CHCHD3: variants seen among roughly 807,000 people sequenced by gnomAD.
The protein encoded by CHCHD3 is MICOS complex subunit MIC19.
In CHCHD3, 20 loss-of-function variants were observed where a neutral mutation model predicts 38.2. The ratio of observed to expected loss-of-function variants is 0.52; its 90% CI spans 0.37 to 0.76. CHCHD3 has a LOEUF of 0.76. Ranked by LOEUF, CHCHD3 falls within the 30% of genes least tolerant of loss-of-function variation. CHCHD3 has a pLI of 0.00. For missense variants in CHCHD3, 245 were observed against 279.2 expected (o/e 0.88, Z 0.87); for synonymous variants, 82 against 100.0 (o/e 0.82, Z 1.07).
At chr7:132,907,328 T>C (rs1285988542) in intron 4 of CHCHD3, among the ~76,000 whole-genome samples, 2 of 152,100 alleles carry the variant, frequency 1.3e-5, no homozygotes, top group Admixed American at 1.3e-4. Flanking sequence ...AACTTATAAA[T>C]TGGGGTAGAG....
chr7:132,833,869 C>G (rs757876648), intron 6 of CHCHD3, among the ~76,000 whole-genome samples: 6 of 152,066 alleles, frequency 3.9e-5, no homozygotes, highest in Non-Finnish European at 7.4e-5. Flanking sequence ...TTGTATGACC[C>G]CTGATCAGGT....
At chr7:132,949,792 C>T (rs1237295263) in intron 4 of CHCHD3, among the ~76,000 whole-genome samples, 1 of 152,092 alleles carries the variant, frequency 6.6e-6, no homozygotes, top group Non-Finnish European at 1.5e-5. Flanking sequence ...AATACCACCT[C>T]TTCACAAAGG....
intron 4 of CHCHD3, among the ~76,000 whole-genome samples, chr7:132,907,118 T>G (rs1809820365): frequency 6.6e-6 from 1 of 152,242 alleles, no homozygotes; most frequent in African/African-American, 2.4e-5. Context: ...TCTATTCATT[T>G]ATTGAATAAG....
At chr7:132,824,515 C>A (rs1202055619) in intron 6 of CHCHD3, among the ~76,000 whole-genome samples, 1 of 152,006 alleles carries the variant, frequency 6.6e-6, no homozygotes, top group Non-Finnish European at 1.5e-5. Context: ...AGGGTTTCAC[C>A]ATGTTAGCCA....
intron 2 of CHCHD3, among the ~76,000 whole-genome samples, chr7:133,042,126 T>G (rs2117482650): frequency 6.6e-6 from 1 of 152,244 alleles, no homozygotes; most frequent in South Asian, 2.1e-4. Flanking sequence ...AAGGGCCCTT[T>G]TTTTCCAGCA....
intron 3 of CHCHD3, among the ~76,000 whole-genome samples, chr7:132,993,798 G>C (rs1259521016): frequency 1.3e-5 from 2 of 152,096 alleles, no homozygotes; most frequent in African/African-American, 4.8e-5. Context: ...ACAGAGACTG[G>C]GGCCAACACT....
intron 6 of CHCHD3, among the ~76,000 whole-genome samples, chr7:132,806,943 G>A (rs889944): frequency 0.22 from 33,692 of 152,138 alleles, 4,414 homozygotes; most frequent in East Asian, 0.4. Flanking sequence ...TGTGGTTAAG[G>A]AATAACACTT....
intron 6 of CHCHD3, among the ~76,000 whole-genome samples, chr7:132,803,834 G>A (rs934401279): frequency 1.2e-4 from 16 of 137,286 alleles, no homozygotes; most frequent in Non-Finnish European, 2.2e-4. Flanking sequence ...CCACCTGCAC[G>A]AATCTGGCAG....
intron 5 of CHCHD3, among the ~76,000 whole-genome samples, chr7:132,844,074 C>A (rs113012699): frequency 6.6e-6 from 1 of 152,146 alleles, no homozygotes; most frequent in Non-Finnish European, 1.5e-5. Flanking sequence ...CTAAGGCGGG[C>A]GGATCACTTG....
intron 3 of CHCHD3, among the ~76,000 whole-genome samples, chr7:133,003,380 T>C (rs920295227): frequency 3.2e-4 from 49 of 152,300 alleles, no homozygotes; most frequent in African/African-American, 1.0e-3. Context: ...CCTTTCTGGG[T>C]TTGGGGTCAA....
At position 133,035,924 on chromosome 7, in the gene CHCHD3, G is replaced by A. The variant is rs1433515095; in HGVS notation, c.170-11297C>T. On this transcript the variant is annotated intron_variant, in intron 2 of 7. Coordinates refer to ENST00000262570, the MANE Select transcript of CHCHD3 (RefSeq NM_017812.4). The surrounding 1 kb of genome is among the most constrained non-coding windows in gnomAD (Gnocchi z 4.7). The stretch of plus-strand genomic sequence containing the variant: ...TGTACAGGGTCCCAGCCGCCATGGT[G>A]ATTCCGCAAAGAAAGGCTGGATCCA... 6.4e-7 allele frequency: 1 copy of A among 1,574,134 alleles called. No homozygotes were observed. Among genetic ancestry groups the A allele is most frequent in the Non-Finnish European group, 8.7e-7 (1 of 1,147,756 alleles).
At chr7:132,955,269 T>G (rs1045982152) in intron 4 of CHCHD3, among the ~76,000 whole-genome samples, 11 of 151,132 alleles carry the variant, frequency 7.3e-5, no homozygotes, top group South Asian at 2.1e-4. Context: ...TCCCTACCTA[T>G]GCAGAAAAGA....
intron 4 of CHCHD3, 130 bp downstream of exon 4, chr7:132,975,034 AAAATC>A: frequency 1.4e-6 from 1 of 723,106 alleles, no homozygotes; most frequent in Non-Finnish European, 2.3e-6. Context: ...ATAAAAGGCA[AAAATC>A]AAAATCTGAG....
At chr7:133,006,836 A>G (rs943134787) in intron 3 of CHCHD3, among the ~76,000 whole-genome samples, 1 of 152,204 alleles carries the variant, frequency 6.6e-6, no homozygotes, top group African/African-American at 2.4e-5. Context: ...GGAACCGTAA[A>G]TGTCTAATAG....
intron 3 of CHCHD3, among the ~76,000 whole-genome samples, chr7:132,997,230 G>A (rs552702938): frequency 9.1e-4 from 139 of 152,248 alleles, no homozygotes; most frequent in South Asian, 2.5e-3. Context: ...TGTTCAAGAT[G>A]AGCCCACTGG....
intron 5 of CHCHD3, among the ~76,000 whole-genome samples, chr7:132,871,826 T>C (rs992438794): frequency 2.0e-5 from 3 of 152,204 alleles, no homozygotes; most frequent in Admixed American, 1.3e-4. Context: ...CCCCTCATCA[T>C]CTACAACTCA....
chr7:132,938,598 C>G (rs995348735), intron 4 of CHCHD3, among the ~76,000 whole-genome samples: 5 of 65,354 alleles, frequency 7.7e-5, no homozygotes, highest in African/African-American at 1.2e-4. Context: ...AAACTAACTA[C>G]TCCTTATAAT....
chr7:133,030,540 C>CA (rs113146522), intron 2 of CHCHD3, among the ~76,000 whole-genome samples: 4 of 151,762 alleles, frequency 2.6e-5, no homozygotes, highest in Non-Finnish European at 4.4e-5. Context: ...GGAGTAAAAA[C>CA]AAAAAAATGT....
chr7:132,918,049 G>A (rs1810161433), intron 4 of CHCHD3, among the ~76,000 whole-genome samples: 1 of 152,050 alleles, frequency 6.6e-6, no homozygotes, highest in Non-Finnish European at 1.5e-5. Flanking sequence ...AAGTCATTTT[G>A]TCTATATTCT....
Sources: allele counts gnomAD v4.1 joint callset (sites outside exome capture counted in the v4.1 genomes callset), GRCh38; gene constraint gnomAD v4.1.1; non-coding constraint Gnocchi (gnomAD v3.1); transcripts MANE v1.5; gene names NCBI Gene and HGNC (gene_info 2026-07-23, HGNC 2026-07-21).